The following SYNPO2 variants were observed in gnomAD, a reference collection of about 807,000 sequenced individuals.
SYNPO2 encodes synaptopodin 2, also known as synaptopodin-2.
Under a neutral mutation model 85.0 loss-of-function variants are expected in SYNPO2, and 56 were observed. The observed-to-expected ratio is 0.66, with a 90% CI of 0.53 to 0.82. The LOEUF is 0.82. SYNPO2 is among the 40% of genes least tolerant of loss of function. The probability of loss-of-function intolerance (pLI) is 0.00; values close to 1 mark genes in which losing one functional copy is unlikely to be tolerated. For missense variants in SYNPO2, 1,575 were observed against 1,534.2 expected (o/e 1.03, Z -0.44); for synonymous variants, 602 against 591.1 (o/e 1.02, Z -0.27).
At chr4:118,973,884 C>A (rs1159336662) in intron 1 of SYNPO2, among the ~76,000 whole-genome samples, 3 of 152,172 alleles carry the variant, frequency 2.0e-5, no homozygotes, top group African/African-American at 7.2e-5. Flanking sequence ...CTGAAATAAG[C>A]AATCTAACAT....
chr4:118,969,553 A>G (rs997045941), intron 1 of SYNPO2, among the ~76,000 whole-genome samples: 1 of 152,158 alleles, frequency 6.6e-6, no homozygotes, highest in Non-Finnish European at 1.5e-5. Flanking sequence ...ATTTATGGTC[A>G]TGATTATTAA....
chr4:119,006,148 A>AG (rs1737023736), intron 1 of SYNPO2: 1 of 153,182 alleles, frequency 6.5e-6, no homozygotes, highest in Admixed American at 6.5e-5. Flanking sequence ...AAGCCTGAAC[A>AG]TGAAGGTGTG....
chr4:119,043,617 T>C (rs1355715471), intron 4 of SYNPO2: 1 of 152,168 alleles, frequency 6.6e-6, no homozygotes, highest in Non-Finnish European at 1.5e-5. Context: ...AAGACAATTA[T>C]ACATTGCAGC....
intron 1 of SYNPO2, among the ~76,000 whole-genome samples, chr4:118,914,686 A>G (rs1318925973): frequency 1.3e-5 from 2 of 152,166 alleles, no homozygotes; most frequent in Non-Finnish European, 2.9e-5. Context: ...AAGTGGAGAC[A>G]TAGAGTCTAG....
chr4:118,913,360 A>G (rs918705668), intron 1 of SYNPO2, among the ~76,000 whole-genome samples: 6 of 152,202 alleles, frequency 3.9e-5, no homozygotes, highest in Non-Finnish European at 1.5e-5. Context: ...ACCTGGAGCA[A>G]TGACACAGAA....
At chr4:118,954,668 C>A (rs963169226) in intron 1 of SYNPO2, among the ~76,000 whole-genome samples, 1 of 43,986 alleles carries the variant, frequency 2.3e-5, no homozygotes, top group East Asian at 9.5e-4. Context: ...GATCAAGTAT[C>A]CTTCAGATAT....
intron 1 of SYNPO2, among the ~76,000 whole-genome samples, chr4:118,919,423 T>C (rs1429412585): frequency 6.6e-6 from 1 of 152,152 alleles, no homozygotes; most frequent in African/African-American, 2.4e-5. Flanking sequence ...AATAAAAGTT[T>C]ATTCATCTAG....
chr4:118,887,273 G>A (rs940688957), upstream of SYNPO2, among the ~76,000 whole-genome samples: 1 of 152,030 alleles, frequency 6.6e-6, no homozygotes, highest in South Asian at 2.1e-4. Flanking sequence ...TGCAGGGAGA[G>A]GCTCAAGCCA....
intron 1 of SYNPO2, among the ~76,000 whole-genome samples, chr4:119,004,104 C>T (rs1424452444): frequency 6.6e-6 from 1 of 152,282 alleles, no homozygotes; most frequent in Admixed American, 6.5e-5. Flanking sequence ...TTTACTGTTC[C>T]ACAAATTCCT....
At chr4:118,958,362 A>G (rs1463837891) in intron 1 of SYNPO2, among the ~76,000 whole-genome samples, 1 of 152,070 alleles carries the variant, frequency 6.6e-6, no homozygotes, top group Non-Finnish European at 1.5e-5. Flanking sequence ...TATTACTTCA[A>G]GTCTTCTTAT....
intron 1 of SYNPO2, among the ~76,000 whole-genome samples, chr4:118,904,823 T>C (rs985177209): frequency 1.7e-5 from 2 of 115,782 alleles, no homozygotes; most frequent in African/African-American, 6.6e-5. Context: ...GATAATACCA[T>C]AGAAGTTACC....
intron 1 of SYNPO2, among the ~76,000 whole-genome samples, chr4:118,927,721 TA>T (rs1313591214): frequency 6.3e-5 from 6 of 95,572 alleles, no homozygotes; most frequent in African/African-American, 7.4e-5. Context: ...GATAGATAGA[TA>T]GATAGATAGA....
rs376359189 is a variant in SYNPO2 at position 119,051,186 on chromosome 4, A to ATGTTTTTTTTTTTT, written c.3253-6214_3253-6213insGTTTTTTTTTTTTT. 3.0e-5 allele frequency among the ~76,000 whole-genome samples: 3 copies of ATGTTTTTTTTTTTT among 100,720 alleles called. 1 individual carries two copies. Among genetic ancestry groups the ATGTTTTTTTTTTTT allele is most frequent in the Non-Finnish European group, 3.8e-5 (2 of 52,788 alleles). The allele number at this position is 100,720 out of a possible 152,430, so 66.1% of individuals were successfully genotyped here. On this transcript the variant is annotated intron_variant, in intron 4 of 4. Transcript: ENST00000307142. ...CACTGGGGTAAAGCCATGGGAAGCA[A>ATGTTTTTTTTTTTT]TTTTTTTTTTTTTTTTTTTTTGAGA...
At chr4:118,900,699 CTCTCTATA>C (rs1442478247) in intron 1 of SYNPO2, among the ~76,000 whole-genome samples, 38 of 29,382 alleles carry the variant, frequency 1.3e-3, no homozygotes, top group South Asian at 5.3e-3. Context: ...CTCTCTCTCT[CTCTCTATA>C]TATATATATA....
At chr4:118,968,873 T>A (rs527914578) in intron 1 of SYNPO2, among the ~76,000 whole-genome samples, 1 of 152,172 alleles carries the variant, frequency 6.6e-6, no homozygotes, top group Non-Finnish European at 1.5e-5. Context: ...CAGGTGGAAA[T>A]TCCTTGGCCT....
intron 4 of SYNPO2, chr4:119,037,036 T>G (rs940323920): frequency 7.1e-7 from 1 of 1,407,924 alleles, no homozygotes; most frequent in Non-Finnish European, 9.3e-7. Flanking sequence ...TGGTTCCAAA[T>G]GTAAAGCTCC....
intron 1 of SYNPO2, among the ~76,000 whole-genome samples, chr4:118,964,646 C>T (rs1197899790): frequency 6.6e-6 from 1 of 152,150 alleles, no homozygotes; most frequent in Non-Finnish European, 1.5e-5. Context: ...ATCTTTCTCT[C>T]TCTTCTTCCC....
chr4:118,948,482 G>A (rs1305494233), intron 1 of SYNPO2, among the ~76,000 whole-genome samples: 1 of 152,084 alleles, frequency 6.6e-6, no homozygotes, highest in Non-Finnish European at 1.5e-5. Flanking sequence ...TTTCTTTTAT[G>A]TTGCTATAAA....
rs1561001667 is a variant in SYNPO2, at chr4:119,030,019, G to T, written c.1244G>T (p.Gly415Val). 1 of 1,613,992 alleles carries T rather than the reference G, an allele frequency of 6.2e-7. No individual in the cohort carries two copies. The highest frequency in any genetic ancestry group is 8.5e-7 in the Non-Finnish European group (1 of 1,180,014). Residue 415 changes from glycine to valine, a missense_variant, in exon 4 of 5, where the codon GGC becomes GTC. Physicochemically the swap from Gly to Val is moderately radical, Grantham distance 109. Around this residue, in one of 3 missense-constraint regions of SYNPO2, gnomAD observed 1,508 missense variants for 1,446.8 expected, o/e 1.04. Transcript: ENST00000307142. The part of the protein sequence containing the change: ...RKYTLVSYGT[G>V]ELEREADEEE... ...TACACCCTAGTTAGCTACGGTACTG[G>T]CGAGCTTGAGCGAGAGGCGGACGAG...
Sources: gnomAD v4.1 joint callset for allele counts (sites outside exome capture counted in the v4.1 genomes callset) on GRCh38, gnomAD v4.1.1 for gene constraint, gnomAD v4.1.1 regional missense constraint, MANE v1.5 for transcripts, NCBI Gene and HGNC (gene_info 2026-07-23, HGNC 2026-07-21) for gene names.